SNTG1: variants seen among roughly 807,000 people sequenced by gnomAD.
SNTG1 encodes syntrophin gamma 1, also known as gamma-1-syntrophin.
In SNTG1, 39 loss-of-function variants were observed where a neutral mutation model predicts 74.7. That is an observed-to-expected ratio of 0.52 (90% CI 0.40 to 0.68). SNTG1 has a LOEUF of 0.68. SNTG1 is among the 30% of genes least tolerant of loss of function. The pLI is 0.00. For synonymous variants in SNTG1, 254 were observed against 217.1 expected (o/e 1.17, Z -1.49); for missense variants, 685 against 609.5 (o/e 1.12, Z -1.30).
chr8:50,060,596 T>A (rs1169136639), intron 1 of SNTG1, among the ~76,000 whole-genome samples: 4 of 152,086 alleles, frequency 2.6e-5, no homozygotes, highest in African/African-American at 7.2e-5. Context: ...CTTCTTGCAC[T>A]ATGTTGAATC....
chr8:50,526,340 C>T (rs2094219283), intron 9 of SNTG1, among the ~76,000 whole-genome samples: 1 of 152,150 alleles, frequency 6.6e-6, no homozygotes, highest in South Asian at 2.1e-4. Context: ...AAGTTTGACA[C>T]TTACTTCTGA....
intron 1 of SNTG1, among the ~76,000 whole-genome samples, chr8:49,964,283 C>T (rs191300245): frequency 2.5e-4 from 38 of 152,318 alleles, no homozygotes; most frequent in African/African-American, 8.4e-4. Flanking sequence ...GGGAGTCTTG[C>T]CACATACTGC....
rs564249164 is a variant in SNTG1 at position 50,703,651 on chromosome 8, T to A, written c.1039-949T>A. On this transcript the variant is annotated intron_variant, in intron 15 of 18. Transcript: ENST00000642720. Reference sequence around the variant, plus strand: ...ACCAGTAACATATTCTTTCTTATCATCATTATTATTATGTAGCATACATCA... The same window carrying A: ...ACCAGTAACATATTCTTTCTTATCAACATTATTATTATGTAGCATACATCA... Among the ~76,000 whole-genome samples the A allele has an allele frequency of 2.3e-4, 35 of 152,282 alleles. No homozygotes were observed. The South Asian group carries it at 7.1e-3, about 31-fold the overall frequency.
At chr8:50,717,679 C>T (rs1280173959) in intron 17 of SNTG1, among the ~76,000 whole-genome samples, 1 of 152,190 alleles carries the variant, frequency 6.6e-6, no homozygotes, top group Non-Finnish European at 1.5e-5. Context: ...CATACAGACA[C>T]AGTGAGCCTC....
rs530475039 is a variant in SNTG1, at chr8:50,366,283, C to T, written c.-27-27929C>T. Among the ~76,000 whole-genome samples, 19 of 152,294 alleles carry T rather than the reference C, an allele frequency of 1.2e-4. No homozygotes were observed. In the East Asian group the frequency reaches 2.5e-3, roughly 20 times the overall value. On this transcript the variant is annotated intron_variant, in intron 2 of 18. Coordinates refer to ENST00000642720, the MANE Select transcript of SNTG1 (RefSeq NM_018967.5). ...CTAAATCAATCAGTATCAGGAACTA[C>T]TACATGGTTGCGCCCAAGATCACAG... is the stretch of plus-strand genomic sequence containing the variant.
chr8:50,777,930 C>A (rs1353727778), intron 18 of SNTG1, among the ~76,000 whole-genome samples: 2 of 151,874 alleles, frequency 1.3e-5, no homozygotes, highest in Non-Finnish European at 2.9e-5. Context: ...TCAATTCCCA[C>A]CTATGAGTGA....
At chr8:50,487,355 T>C (rs558087088) in intron 8 of SNTG1, among the ~76,000 whole-genome samples, 1 of 152,340 alleles carries the variant, frequency 6.6e-6, no homozygotes, top group African/African-American at 2.4e-5. Flanking sequence ...CCCAAAGTAC[T>C]ATAAATCATG....
At chr8:50,614,064 C>T (rs1006336604) in intron 13 of SNTG1, among the ~76,000 whole-genome samples, 3 of 152,010 alleles carry the variant, frequency 2.0e-5, no homozygotes, top group South Asian at 2.1e-4. Context: ...AAGAACTAAG[C>T]TTCCATATTT....
intron 15 of SNTG1, among the ~76,000 whole-genome samples, chr8:50,693,370 C>A (rs1317982626): frequency 6.6e-6 from 1 of 152,154 alleles, no homozygotes; most frequent in Non-Finnish European, 1.5e-5. Context: ...TAGACCGGAG[C>A]TGTTCCTATT....
At chr8:50,581,529 CTTT>C (rs1251366943) in intron 12 of SNTG1, among the ~76,000 whole-genome samples, 2 of 152,102 alleles carry the variant, frequency 1.3e-5, no homozygotes, top group African/African-American at 4.8e-5. Context: ...ATAAGTATTC[CTTT>C]CAAATCTTGT....
chr8:50,763,638 A>T (rs957493402), intron 18 of SNTG1, among the ~76,000 whole-genome samples: 1 of 130,926 alleles, frequency 7.6e-6, no homozygotes, highest in South Asian at 2.6e-4. Context: ...TTGGCTCAAG[A>T]TTGCCTTTAT....
chr8:50,323,666 C>T (rs2090618983), intron 2 of SNTG1, among the ~76,000 whole-genome samples: 1 of 152,144 alleles, frequency 6.6e-6, no homozygotes, highest in Non-Finnish European at 1.5e-5. Flanking sequence ...CTGTGTTGAG[C>T]CACCAGGAAC....
At chr8:49,973,435 G>A (rs1487073410) in intron 1 of SNTG1, among the ~76,000 whole-genome samples, 2 of 151,642 alleles carry the variant, frequency 1.3e-5, no homozygotes, top group Non-Finnish European at 2.9e-5. Flanking sequence ...AATGGGTGCA[G>A]CACACCAACA....
At chr8:50,056,956 C>A (rs1012041714) in intron 1 of SNTG1, among the ~76,000 whole-genome samples, 3 of 152,112 alleles carry the variant, frequency 2.0e-5, no homozygotes, top group African/African-American at 7.2e-5. Flanking sequence ...ATGTCATCTA[C>A]CCTGTGTTTT....
chr8:50,426,816 C>A (rs1432917930), intron 4 of SNTG1, among the ~76,000 whole-genome samples: 2 of 151,780 alleles, frequency 1.3e-5, no homozygotes, highest in Non-Finnish European at 2.9e-5. Flanking sequence ...GAAAAAAATA[C>A]AACAATAAGA....
At chr8:50,634,081 C>A (rs1456149293) in intron 13 of SNTG1, among the ~76,000 whole-genome samples, 2 of 152,186 alleles carry the variant, frequency 1.3e-5, no homozygotes, top group Non-Finnish European at 2.9e-5. Flanking sequence ...TGGGCTGCCG[C>A]AGCTGTCCAG....
At chr8:50,316,910 A>C (rs981539049) in intron 2 of SNTG1, among the ~76,000 whole-genome samples, 1 of 152,168 alleles carries the variant, frequency 6.6e-6, no homozygotes, top group South Asian at 2.1e-4. Flanking sequence ...ATTTATAGAG[A>C]TAGTACTTAA....
chr8:50,311,190 G>A (rs2090097252), intron 2 of SNTG1, among the ~76,000 whole-genome samples: 3 of 152,244 alleles, frequency 2.0e-5, no homozygotes, highest in Admixed American at 6.5e-5. Context: ...TGTTCCCTCT[G>A]TGTGTTCTCC....
At chr8:50,322,630 T>A (rs532157688) in intron 2 of SNTG1, among the ~76,000 whole-genome samples, 2 of 152,308 alleles carry the variant, frequency 1.3e-5, no homozygotes, top group South Asian at 4.1e-4. Context: ...TCTATTCCTA[T>A]CTCTCTTTCT....
Sources: gnomAD v4.1 joint callset for allele counts (sites outside exome capture counted in the v4.1 genomes callset) on GRCh38, gnomAD v4.1.1 for gene constraint, MANE v1.5 for transcripts, NCBI Gene and HGNC (gene_info 2026-07-23, HGNC 2026-07-21) for gene names.